FRMD4B: variants seen among roughly 807,000 people sequenced by gnomAD.
The protein encoded by FRMD4B is FERM domain-containing protein 4B.
FRMD4B carries 74 observed loss-of-function variants against 141.5 expected under a neutral mutation model. The ratio of observed to expected loss-of-function variants is 0.52; its 90% CI spans 0.43 to 0.63. The LOEUF is 0.63. Among genes scored for constraint, FRMD4B ranks in the 30% least tolerant of loss-of-function variants. The pLI is 0.00. For missense variants in FRMD4B, 1,366 were observed against 1,253.4 expected, an observed-to-expected ratio of 1.09 and a Z score of -1.36; for synonymous variants, 506 against 467.9, an observed-to-expected ratio of 1.08 and a Z score of -1.05.
At chr3:69,281,959 T>C (rs962267868) in intron 5 of FRMD4B, among the ~76,000 whole-genome samples, 2 of 152,078 alleles carry the variant, frequency 1.3e-5, no homozygotes, top group African/African-American at 2.4e-5. Context: ...TTTCAACACA[T>C]TGAAGTGTCA....
chr3:69,399,072 A>C (rs913120104), intron 2 of FRMD4B, among the ~76,000 whole-genome samples: 1 of 152,228 alleles, frequency 6.6e-6, no homozygotes, highest in African/African-American at 2.4e-5. Flanking sequence ...GGAACAAATA[A>C]ATCTTAAGGG....
intron 3 of FRMD4B, chr3:69,310,647 G>A (rs1472227928): frequency 3.5e-6 from 1 of 284,626 alleles, no homozygotes; most frequent in Non-Finnish European, 7.0e-6. Context: ...TTTGCTTAGA[G>A]TGTTAAATTC....
chr3:69,227,662 CAA>C (rs200502285), intron 7 of FRMD4B, among the ~76,000 whole-genome samples: 11 of 88,448 alleles, frequency 1.2e-4, no homozygotes, highest in Non-Finnish European at 1.8e-4. Flanking sequence ...GACTTTGTCT[CAA>C]AAAAAAAAAA....
intron 1 of FRMD4B, among the ~76,000 whole-genome samples, chr3:69,473,228 T>C (rs549999528): frequency 3.9e-5 from 6 of 152,084 alleles, no homozygotes; most frequent in Non-Finnish European, 5.9e-5. Flanking sequence ...CTATACTCCA[T>C]ACCTCCAGCA....
intron 1 of FRMD4B, among the ~76,000 whole-genome samples, chr3:69,328,007 G>A (rs920705264): frequency 8.5e-5 from 13 of 152,134 alleles, no homozygotes; most frequent in African/African-American, 2.7e-4. Context: ...CCACAGGTCA[G>A]GAGAACATAG....
At chr3:69,372,344 T>C (rs7635662) in intron 1 of FRMD4B, among the ~76,000 whole-genome samples, 76,952 of 151,986 alleles carry the variant, frequency 0.51, 20,117 homozygotes, top group South Asian at 0.67. Flanking sequence ...TGGAAGGTAA[T>C]AAATATTGCT....
In FRMD4B at chr3:69,181,442, T is replaced by C; in HGVS notation, c.2308A>G (p.Asn770Asp). The change falls in exon 21 of 23, where the codon AAT becomes GAT. Residue 770 changes from asparagine to aspartate, a missense_variant. Physicochemically the swap from Asn to Asp is conservative, Grantham distance 23. Transcript: ENST00000398540. ...TRGRRRSKKQ[N>D]VSTSNSGSMP... ...CTTCCTGAATTTGAAGTAGAAACAT[T>C]CTGTTTCTTTGACCTCCTCCGACCC... 2 of 1,613,784 alleles carry C rather than the reference T, an allele frequency of 1.2e-6. No individual in the cohort carries two copies. The highest frequency in any genetic ancestry group is 1.7e-6 in the Non-Finnish European group (2 of 1,179,740).
intron 4 of FRMD4B, among the ~76,000 whole-genome samples, chr3:69,293,899 A>G (rs1304965689): frequency 6.6e-6 from 1 of 151,468 alleles, no homozygotes; most frequent in East Asian, 1.9e-4. Flanking sequence ...AAAAAAAAAA[A>G]AAAAAAAAAT....
chr3:69,525,697 T>C (rs1700921243), intron 1 of FRMD4B, among the ~76,000 whole-genome samples: 2 of 152,050 alleles, frequency 1.3e-5, no homozygotes, highest in Admixed American at 1.3e-4. Flanking sequence ...TTTCACCCAG[T>C]CTGGAGTGCA....
chr3:69,217,407 G>A (rs1258704717), intron 10 of FRMD4B, among the ~76,000 whole-genome samples: 1 of 152,092 alleles, frequency 6.6e-6, no homozygotes, highest in Non-Finnish European at 1.5e-5. Context: ...GATCACCTGA[G>A]GTCAGGAGTT....
intron 7 of FRMD4B, among the ~76,000 whole-genome samples, chr3:69,227,571 A>G (rs2093266232): frequency 6.6e-6 from 1 of 151,930 alleles, no homozygotes; most frequent in African/African-American, 2.4e-5. Flanking sequence ...CTGAGGCAGG[A>G]GAATCACTTG....
At chr3:69,235,302 C>T (rs992383197) in intron 7 of FRMD4B, among the ~76,000 whole-genome samples, 1 of 151,872 alleles carries the variant, frequency 6.6e-6, no homozygotes, top group Non-Finnish European at 1.5e-5. Flanking sequence ...TTAGGAGACT[C>T]TAGCAAGTGA....
chr3:69,451,108 C>T (rs1265709758), intron 1 of FRMD4B, among the ~76,000 whole-genome samples: 2 of 152,162 alleles, frequency 1.3e-5, no homozygotes, highest in African/African-American at 4.8e-5. Context: ...TCAGTGCTTC[C>T]AGGAACCAGC....
chr3:69,249,718 T>C (rs1553709969), intron 6 of FRMD4B, among the ~76,000 whole-genome samples: 1 of 151,566 alleles, frequency 6.6e-6, no homozygotes, highest in Non-Finnish European at 1.5e-5. Context: ...AGTTACTAAA[T>C]TTAAATGAAA....
At chr3:69,283,429 C>CAAAAA (rs59444542) in intron 5 of FRMD4B, among the ~76,000 whole-genome samples, 1 of 139,456 alleles carries the variant, frequency 7.2e-6, no homozygotes, top group Admixed American at 7.1e-5. Context: ...GCAACAACAA[C>CAAAAA]AAAAAAAAAA....
intron 1 of FRMD4B, among the ~76,000 whole-genome samples, chr3:69,335,236 T>G (rs959076160): frequency 6.6e-6 from 1 of 152,126 alleles, no homozygotes; most frequent in Non-Finnish European, 1.5e-5. Context: ...TAGCCAGAAA[T>G]AGCAATGATG....
intron 22 of FRMD4B, among the ~76,000 whole-genome samples, chr3:69,172,344 A>G (rs542434625): frequency 5.9e-5 from 9 of 152,306 alleles, no homozygotes; most frequent in African/African-American, 2.2e-4. Flanking sequence ...TTATTGAACT[A>G]TAGGACATTA....
chr3:69,195,831 G>C (rs930269719), intron 14 of FRMD4B, among the ~76,000 whole-genome samples: 11 of 152,128 alleles, frequency 7.2e-5, no homozygotes, highest in Non-Finnish European at 1.0e-4. Flanking sequence ...TATACTTAAT[G>C]ATAAGGGATT....
At chr3:69,496,965 A>G (rs996534577) in intron 1 of FRMD4B, among the ~76,000 whole-genome samples, 2 of 151,790 alleles carry the variant, frequency 1.3e-5, no homozygotes, top group African/African-American at 4.8e-5. Context: ...ATCCATTGCT[A>G]TGTGACTGGC....
Sources: allele counts gnomAD v4.1 joint callset (sites outside exome capture counted in the v4.1 genomes callset), GRCh38; gene constraint gnomAD v4.1.1; transcripts MANE v1.5; gene names NCBI Gene and HGNC (gene_info 2026-07-23, HGNC 2026-07-21).